Variants in MARK1 observed in about 807,000 individuals in gnomAD.
MARK1 encodes the protein microtubule affinity regulating kinase 1, also known as serine/threonine-protein kinase MARK1.
In MARK1, 40 loss-of-function variants were observed where a neutral mutation model predicts 96.3. That is an observed-to-expected ratio of 0.42 (90% CI 0.32 to 0.54). The LOEUF (loss-of-function observed/expected upper bound fraction) is 0.54, where lower values mean the gene tolerates loss of function less well. MARK1 is among the 20% of genes least tolerant of loss of function. The pLI is 0.16. For synonymous variants in MARK1, 317 were observed against 341.2 expected, an observed-to-expected ratio of 0.93 and a Z score of 0.78; for missense variants, 719 against 984.6, an observed-to-expected ratio of 0.73 and a Z score of 3.61.
chr1:220,542,920 T>C (rs1003719415), intron 1 of MARK1, among the ~76,000 whole-genome samples: 6 of 152,236 alleles, frequency 3.9e-5, no homozygotes, highest in Non-Finnish European at 8.8e-5. Flanking sequence ...TCCATACTTA[T>C]GTAAATTTCC....
chr1:220,536,703 A>G (rs1660716336), intron 1 of MARK1, among the ~76,000 whole-genome samples: 1 of 151,974 alleles, frequency 6.6e-6, no homozygotes, highest in African/African-American at 2.4e-5. Context: ...TTATAGGCAC[A>G]CGCCAGTAGC....
chr1:220,618,547 G>A lies in MARK1; in HGVS notation c.789+1G>A, dbSNP rs1666879028. The A allele has an allele frequency of 6.2e-7, 1 of 1,613,618 alleles. No individual in the cohort carries two copies. On this transcript the variant is annotated splice_donor_variant, in intron 8 of 17. Coordinates refer to ENST00000366917, the MANE Select transcript of MARK1 (RefSeq NM_018650.5). LOFTEE classifies it high-confidence loss of function. The surrounding 1 kb of genome is among the most constrained non-coding windows in gnomAD (Gnocchi z 4.6). ...GCCTTTCGATGGCCAGAATTTAAAG[G>A]TATCAGCTAAATTCTTTATTAATGT...
intron 1 of MARK1, among the ~76,000 whole-genome samples, chr1:220,562,052 T>A (rs549518318): frequency 6.6e-6 from 1 of 152,302 alleles, no homozygotes; most frequent in East Asian, 1.9e-4. Flanking sequence ...AAATATATAT[T>A]TTTTATTTGC....
chr1:220,616,004 C>T lies in MARK1; in HGVS notation c.552+9C>T. 6.9e-7 allele frequency: 1 copy of T among 1,449,740 alleles called. No homozygotes were observed. Among genetic ancestry groups the T allele is most frequent in the Non-Finnish European group, 9.5e-7 (1 of 1,049,330 alleles). The allele number at this position is 1,449,740 out of a possible 1,614,324, so 89.8% of individuals were successfully genotyped here. A position where few individuals can be genotyped will look rare whatever the true frequency, so the allele number is the denominator to read the frequency against. ...TTCACCGTGATCTTAAGGTAAGCTTCTGAGTGTAATTTTTTTAAAAAAAAA... is the reference window on the plus strand; with the variant it reads ...TTCACCGTGATCTTAAGGTAAGCTTTTGAGTGTAATTTTTTTAAAAAAAAA... On this transcript the variant is annotated intron_variant, in intron 7 of 17. Coordinates refer to ENST00000366917, the MANE Select transcript of MARK1 (RefSeq NM_018650.5).
At chr1:220,624,337 C>T (rs572370393) in intron 9 of MARK1, among the ~76,000 whole-genome samples, 1 of 147,930 alleles carries the variant, frequency 6.8e-6, no homozygotes, top group South Asian at 2.2e-4. Flanking sequence ...CGGTGGTTCA[C>T]AGCTGTAATC....
chr1:220,661,699 T>C, intron 17 of MARK1, 113 bp from the exon 18 acceptor site: 1 of 721,642 alleles, frequency 1.4e-6, no homozygotes. Flanking sequence ...GTCTGCAAAT[T>C]AGGTAGTGTT....
At chr1:220,657,740 A>T (rs1669251597) in intron 16 of MARK1, 50 bp from the exon 17 acceptor site, 1 of 1,346,314 alleles carries the variant, frequency 7.4e-7, no homozygotes, top group African/African-American at 1.5e-5. Flanking sequence ...GGTTTTCTTG[A>T]TATATTTTTT....
At chr1:220,550,905 G>A (rs1661811107) in intron 1 of MARK1, among the ~76,000 whole-genome samples, 1 of 152,196 alleles carries the variant, frequency 6.6e-6, no homozygotes, top group African/African-American at 2.4e-5. Flanking sequence ...CTTTTACTAA[G>A]GGATTATACT....
At chr1:220,604,884 T>C (rs974628034) in intron 6 of MARK1, among the ~76,000 whole-genome samples, 10 of 152,122 alleles carry the variant, frequency 6.6e-5, no homozygotes, top group Non-Finnish European at 1.5e-4. Context: ...TTGTAAATTG[T>C]TCATAAAATT....
intron 1 of MARK1, among the ~76,000 whole-genome samples, chr1:220,563,279 TAAAAG>T (rs1248985527): frequency 2.6e-5 from 4 of 151,970 alleles, no homozygotes; most frequent in African/African-American, 4.8e-5. Context: ...TAATTTTCCT[TAAAAG>T]AAGGTAAAAG....
At chr1:220,586,679 C>T (rs955502119) in intron 3 of MARK1, among the ~76,000 whole-genome samples, 7 of 152,122 alleles carry the variant, frequency 4.6e-5, no homozygotes, top group Admixed American at 2.6e-4. Context: ...CAAGAAGCTA[C>T]TTAAGATATA....
chr1:220,560,649 G>A (rs149130198), intron 1 of MARK1, among the ~76,000 whole-genome samples: 1 of 152,302 alleles, frequency 6.6e-6, no homozygotes, highest in African/African-American at 2.4e-5. Flanking sequence ...TGTGTATGCT[G>A]CACAAAGGCA....
At chr1:220,624,598 CA>C (rs36021632) in intron 9 of MARK1, among the ~76,000 whole-genome samples, 558 of 69,682 alleles carry the variant, frequency 8.0e-3, no homozygotes, top group Middle Eastern at 0.024. Context: ...AACTCCGTCT[CA>C]AAAAAAAAAA....
intron 9 of MARK1, among the ~76,000 whole-genome samples, chr1:220,630,191 G>A (rs1667593268): frequency 6.6e-6 from 1 of 152,186 alleles, no homozygotes; most frequent in East Asian, 1.9e-4. Context: ...CTGATGACTA[G>A]TGATGTTGAG....
chr1:220,639,007 G>A (rs1668124008), intron 13 of MARK1, among the ~76,000 whole-genome samples: 1 of 152,128 alleles, frequency 6.6e-6, no homozygotes, highest in African/African-American at 2.4e-5. Flanking sequence ...ACTTTTGCAG[G>A]CCATGGAGGA....
intron 1 of MARK1, among the ~76,000 whole-genome samples, chr1:220,578,407 G>C (rs888624996): frequency 6.6e-6 from 1 of 152,188 alleles, no homozygotes; most frequent in African/African-American, 2.4e-5. Flanking sequence ...TTGTAGGTTA[G>C]CGTGAGACCA....
chr1:220,561,623 A>G (rs1224138206), intron 1 of MARK1, among the ~76,000 whole-genome samples: 1 of 152,216 alleles, frequency 6.6e-6, no homozygotes, highest in African/African-American at 2.4e-5. Flanking sequence ...CTTCCTGGGA[A>G]GATCCATGCC....
At chr1:220,629,352 CTTT>C (rs77070158) in intron 9 of MARK1, among the ~76,000 whole-genome samples, 14 of 134,434 alleles carry the variant, frequency 1.0e-4, no homozygotes, top group Admixed American at 3.7e-4. Context: ...ACAAGATTGC[CTTT>C]TTTTTTTTTT....
chr1:220,614,994 A>G (rs1666659529), intron 6 of MARK1, among the ~76,000 whole-genome samples: 1 of 152,146 alleles, frequency 6.6e-6, no homozygotes, highest in South Asian at 2.1e-4. Flanking sequence ...GTAAATGCCT[A>G]ACATTCAAAC....
Sources: gnomAD v4.1 joint callset for allele counts (sites outside exome capture counted in the v4.1 genomes callset) on GRCh38, gnomAD v4.1.1 for gene constraint, Gnocchi (gnomAD v3.1) non-coding constraint, MANE v1.5 for transcripts, NCBI Gene and HGNC (gene_info 2026-07-23, HGNC 2026-07-21) for gene names.